Variants in CXorf58 observed in about 807,000 individuals in gnomAD.
The protein encoded by CXorf58 is uncharacterized protein CXorf58.
CXorf58 carries 24 observed loss-of-function variants against 26.0 expected under a neutral mutation model. The ratio of observed to expected loss-of-function variants is 0.92; its 90% CI spans 0.67 to 1.30. The LOEUF (loss-of-function observed/expected upper bound fraction) is 1.30. Ranked by LOEUF, CXorf58 falls within the 50% of genes most tolerant of loss-of-function variation. CXorf58 has a pLI of 0.00. For synonymous variants in CXorf58, 87 were observed against 86.1 expected (o/e 1.01, Z -0.06); for missense variants, 236 against 263.9 (o/e 0.89, Z 0.73).
At chrX:23,929,418 A>AG (rs1392211602) in intron 6 of CXorf58, among the ~76,000 whole-genome samples, 2 of 88,353 alleles carry the variant, frequency 2.3e-5, no homozygotes, top group African/African-American at 7.1e-5. Context: ...AAAAAAAAAA[A>AG]AAAAGAAAAA....
At chrX:23,911,909 G>C in intron 3 of CXorf58, 53 bp downstream of exon 3, 1 of 813,825 alleles carries the variant, frequency 1.2e-6, no homozygotes, top group Non-Finnish European at 1.8e-6. Flanking sequence ...CAAGCTAAAA[G>C]ATCTATTAAT....
rs73625193 is a variant in CXorf58 at position 23,918,086 on chromosome X, A to G, written c.423+1758A>G. 3.9e-3 allele frequency among the ~76,000 whole-genome samples: 441 copies of G among 111,646 alleles called. 1 individual carries two copies. The highest frequency in any genetic ancestry group is 0.014 in the African/African-American group (423 of 30,830). ...CTCAATCTCCTGACCTCGAAACCAC[A>G]CTTTTTTTAAAATTCATTCAGCCAC... is the stretch of plus-strand genomic sequence containing the variant. On this transcript the variant is annotated intron_variant, in intron 5 of 8. Transcript: ENST00000379211.
At chrX:23,923,288 C>A (rs1287864171) in intron 5 of CXorf58, among the ~76,000 whole-genome samples, 1 of 110,852 alleles carries the variant, frequency 9.0e-6, no homozygotes, top group African/African-American at 3.3e-5. Flanking sequence ...ACAGATGAGG[C>A]ACACAACTGA....
intron 1 of CXorf58, among the ~76,000 whole-genome samples, 178 bp from the exon 2 acceptor site, chrX:23,910,105 C>T (rs1284636614): frequency 8.9e-6 from 1 of 111,878 alleles, no homozygotes; most frequent in African/African-American, 3.2e-5. Context: ...TTTCCATATA[C>T]CATATAATAT....
At position 23,911,756 on chromosome X, in the gene CXorf58, G is replaced by T; in HGVS notation, c.117-1G>T. ...AATATTAACCTCTTTTTTTCTCTCA[G>T]AATGCTTAAAGACATTTCAGCTCAA... On this transcript the variant is annotated splice_acceptor_variant, in intron 2 of 8. Coordinates refer to ENST00000379211, the MANE Select transcript of CXorf58 (RefSeq NM_152761.3). LOFTEE classifies it high-confidence loss of function. 1 of 1,151,466 alleles carries T rather than the reference G, an allele frequency of 8.7e-7. No homozygotes were observed. Among genetic ancestry groups the T allele is most frequent in the Non-Finnish European group, 1.2e-6 (1 of 854,972 alleles). 94.9% of individuals were successfully genotyped at this position (1,151,466 alleles called of 1,213,427 possible).
intron 6 of CXorf58, among the ~76,000 whole-genome samples, chrX:23,930,068 G>A (rs1056518572): frequency 1.1e-3 from 114 of 106,566 alleles, no homozygotes; most frequent in African/African-American, 3.7e-3. Context: ...GTGGTGGTGG[G>A]CGCCTGTAGT....
intron 6 of CXorf58, among the ~76,000 whole-genome samples, chrX:23,927,662 G>C (rs1002642173): frequency 2.7e-5 from 3 of 110,373 alleles, no homozygotes; most frequent in Non-Finnish European, 5.7e-5. Flanking sequence ...CTCGTGTCAA[G>C]GGGGTTTGTT....
chrX:23,920,890 C>CA lies in CXorf58; in HGVS notation c.423+4578dup, dbSNP rs59587627. On this transcript the variant is annotated intron_variant, in intron 5 of 8. Coordinates refer to ENST00000379211, the MANE Select transcript of CXorf58 (RefSeq NM_152761.3). ...TGGGCAACAAGAGCAAAACTCCGTCCAAAAAAAAAAAAAAAACACCTAGAA... is the reference window on the plus strand; with the variant it reads ...TGGGCAACAAGAGCAAAACTCCGTCCAAAAAAAAAAAAAAAAACACCTAGAA... 8.8e-3 allele frequency among the ~76,000 whole-genome samples: 472 copies of CA among 53,743 alleles called. 2 individuals are homozygous for CA. The highest frequency in any genetic ancestry group is 0.022 in the African/African-American group (310 of 14,069). The allele number at this position is 53,743 out of a possible 115,157, so 46.7% of individuals were successfully genotyped here.
At chrX:23,934,920 A>G (rs1018848310) in intron 6 of CXorf58, among the ~76,000 whole-genome samples, 61 of 108,788 alleles carry the variant, frequency 5.6e-4, no homozygotes, top group African/African-American at 2.0e-3. Flanking sequence ...GCTGGAGTGC[A>G]GTGGCGCGAT....
chrX:23,910,181 A>G, intron 1 of CXorf58, 102 bp from the exon 2 acceptor site: 1 of 418,278 alleles, frequency 2.4e-6, no homozygotes, highest in Non-Finnish European at 4.1e-6. Flanking sequence ...TCCTTTTTAA[A>G]GGATTCAGAA....
chrX:23,935,423 T>C lies in CXorf58; in HGVS notation c.783T>C (p.Ile261=), dbSNP rs1228840195. The change falls in exon 7 of 9, where the codon ATT becomes ATC. Residue 261 remains isoleucine (I), a splice_region_variant and synonymous_variant. Transcript: ENST00000379211. The part of the protein sequence containing the change: ...HKHQLRIVSE[I]RGPYLTVQPL... ...ACCAGCTACGGATTGTTTCTGAAAT[T>C]AGGTAAAACAGATTCTTCACTGGGG... 8.6e-7 allele frequency: 1 copy of C among 1,159,659 alleles called. No individual in the cohort carries two copies. Among genetic ancestry groups the C allele is most frequent in the Middle Eastern group, 2.4e-4 (1 of 4,230 alleles).
chrX:23,926,465 A>C (rs1454434041), intron 5 of CXorf58, among the ~76,000 whole-genome samples: 3 of 111,696 alleles, frequency 2.7e-5, no homozygotes, highest in African/African-American at 9.8e-5. Flanking sequence ...ACAGTCTGAA[A>C]CATACATGTT....
At chrX:23,930,918 G>C (rs377458556) in intron 6 of CXorf58, among the ~76,000 whole-genome samples, 30 of 110,937 alleles carry the variant, frequency 2.7e-4, no homozygotes, top group African/African-American at 9.6e-4. Context: ...TTAAATTAAA[G>C]TATGTACATT....
At chrX:23,925,766 A>ATTTTC (rs1349003105) in intron 5 of CXorf58, among the ~76,000 whole-genome samples, 7 of 98,863 alleles carry the variant, frequency 7.1e-5, no homozygotes, top group South Asian at 4.8e-4. Flanking sequence ...AGATGTTTGA[A>ATTTTC]TTTTCTTTTC....
At chrX:23,920,934 A>G (rs1243193741) in intron 5 of CXorf58, among the ~76,000 whole-genome samples, 2 of 110,312 alleles carry the variant, frequency 1.8e-5, no homozygotes, top group African/African-American at 6.6e-5. Context: ...ACATGTTTTC[A>G]TTATGGAATA....
At chrX:23,912,776 C>G (rs1679556117) in intron 3 of CXorf58, among the ~76,000 whole-genome samples, 1 of 111,793 alleles carries the variant, frequency 8.9e-6, no homozygotes, top group Non-Finnish European at 1.9e-5. Flanking sequence ...GTTCCCTTAC[C>G]TTTTATCCAG....
rs1166575882 is a variant in CXorf58, at chrX:23,935,344, GA to G, written c.707del (p.Asn236MetfsTer3). ...TCTGGAGTGATCTCAAACCGTCTAC[GA>G]AATGAAATGAAGTTTCTGTTACAGA... ...SESGVISNRL[R>X]NEMKFLLQRP... On this transcript the variant is annotated frameshift_variant, in exon 7 of 9. Coordinates refer to ENST00000379211, the MANE Select transcript of CXorf58 (RefSeq NM_152761.3). LOFTEE classifies it high-confidence loss of function. 1 of 1,208,302 alleles carries G rather than the reference GA, an allele frequency of 8.3e-7. No homozygotes were observed. The highest frequency in any genetic ancestry group is 3.0e-5 in the East Asian group (1 of 33,793).
intron 5 of CXorf58, among the ~76,000 whole-genome samples, chrX:23,917,864 G>A (rs770637348): frequency 9.0e-6 from 1 of 110,972 alleles, no homozygotes; most frequent in Non-Finnish European, 1.9e-5. Flanking sequence ...TTTTTGAGAC[G>A]GAGTCTCGCT....
At chrX:23,934,941 C>T (rs1254787422) in intron 6 of CXorf58, among the ~76,000 whole-genome samples, 3 of 110,064 alleles carry the variant, frequency 2.7e-5, no homozygotes, top group Admixed American at 9.8e-5. Context: ...CTTGGCTCAC[C>T]GCAACCTCCG....
Sources: gnomAD v4.1 joint callset for allele counts (sites outside exome capture counted in the v4.1 genomes callset) on GRCh38, gnomAD v4.1.1 for gene constraint, MANE v1.5 for transcripts, NCBI Gene and HGNC (gene_info 2026-07-23, HGNC 2026-07-21) for gene names.